The following TMEM233 variants were observed in gnomAD, a reference collection of about 807,000 sequenced individuals.
TMEM233 encodes the protein dispanin subfamily B member 2.
In TMEM233, 6 loss-of-function variants were observed where a neutral mutation model predicts 11.2. The ratio of observed to expected loss-of-function variants is 0.54; its 90% CI spans 0.29 to 1.06. The LOEUF (loss-of-function observed/expected upper bound fraction) is 1.06, where lower values mean the gene tolerates loss of function less well. Among genes scored for constraint, TMEM233 ranks in the 50% least tolerant of loss-of-function variants. TMEM233 has a pLI of 0.08. For missense variants in TMEM233, 127 were observed against 144.7 expected (o/e 0.88, Z 0.63); for synonymous variants, 59 against 55.8 (o/e 1.06, Z -0.26).
chr12:119,612,713 T>C (rs574436534), intron 1 of TMEM233, among the ~76,000 whole-genome samples: 1 of 139,134 alleles, frequency 7.2e-6, no homozygotes, highest in South Asian at 2.3e-4. Context: ...ATCACGCCAC[T>C]GCACTCCAGC....
At chr12:119,634,410 C>A in intron 2 of TMEM233, 1 of 266,724 alleles carries the variant, frequency 3.7e-6, no homozygotes. Context: ...GAGTTTAGGA[C>A]CAGCCTGGGC....
chr12:119,633,012 T>C (rs1954916206), intron 2 of TMEM233, among the ~76,000 whole-genome samples: 1 of 152,114 alleles, frequency 6.6e-6, no homozygotes, highest in African/African-American at 2.4e-5. Flanking sequence ...GAAGTGTTGA[T>C]GTCTCTGCTT....
intron 1 of TMEM233, among the ~76,000 whole-genome samples, chr12:119,618,349 C>G (rs1786344015): frequency 6.6e-6 from 1 of 152,242 alleles, no homozygotes; most frequent in South Asian, 2.1e-4. Context: ...AGCCTCCACA[C>G]AAGGTCCCCA....
chr12:119,614,411 CGA>C (rs57846015), intron 1 of TMEM233, among the ~76,000 whole-genome samples: 170 of 142,916 alleles, frequency 1.2e-3, no homozygotes, highest in Admixed American at 1.3e-3. Flanking sequence ...TCCATCTCAA[CGA>C]GAGAGAGAGA....
At chr12:119,650,420 A>T in the TMEM233 span, among the ~76,000 whole-genome samples, 5 of 152,242 alleles carry the variant, frequency 3.3e-5, no homozygotes, top group African/African-American at 1.2e-4. Flanking sequence ...TAACTCCCAT[A>T]AATGATAAAC....
In TMEM233 at chr12:119,594,089, G is replaced by GC; in HGVS notation, c.186+59dup. On this transcript the variant is annotated intron_variant, in intron 1 of 2. Coordinates refer to ENST00000426426, the MANE Select transcript of TMEM233 (RefSeq NM_001136534.3). This position sits in a 1 kb window ranked among gnomAD's most constrained non-coding sequence, Gnocchi z 5.6. The stretch of plus-strand genomic sequence containing the variant: ...GGAGGAGAGACCCGGGCGGCTTTGA[G>GC]CCCCTGCAGGGGAGTCCGCGCGCTC... 1 of 1,531,138 alleles carries GC rather than the reference G, an allele frequency of 6.5e-7. No individual in the cohort carries two copies. The highest frequency in any genetic ancestry group is 1.2e-5 in the South Asian group (1 of 81,292). The allele number at this position is 1,531,138 out of a possible 1,614,324, so 94.8% of individuals were successfully genotyped here.
rs141484601 is a variant in TMEM233 at position 119,608,377 on chromosome 12, C to T, written c.186+14343C>T. Among the ~76,000 whole-genome samples the T allele has an allele frequency of 5.0e-3, 759 of 152,306 alleles. 7 individuals carry two copies. Among genetic ancestry groups the T allele is most frequent in the Non-Finnish European group, 9.2e-3 (627 of 68,026 alleles). On this transcript the variant is annotated intron_variant, in intron 1 of 2. Transcript: ENST00000426426. ...AAAAGGAGGAAATGGCAGACAGCAG[C>T]GACAATGTCTCCATCACTTCAAACA...
chr12:119,630,248 G>T (rs1340230109), intron 2 of TMEM233, among the ~76,000 whole-genome samples: 1 of 152,210 alleles, frequency 6.6e-6, no homozygotes, highest in Non-Finnish European at 1.5e-5. Flanking sequence ...TATAAAAAAA[G>T]AAGGTTTGGA....
At chr12:119,628,053 A>T (rs1157805581) in intron 1 of TMEM233, among the ~76,000 whole-genome samples, 1 of 152,178 alleles carries the variant, frequency 6.6e-6, no homozygotes, top group African/African-American at 2.4e-5. Context: ...TGCTCTCAAC[A>T]CGCTACCTAT....
rs558974217 is a variant in TMEM233 at position 119,594,856 on chromosome 12, C to T, written c.186+822C>T. 2.6e-5 allele frequency among the ~76,000 whole-genome samples: 4 copies of T among 152,254 alleles called. No individual in the cohort carries two copies. Among genetic ancestry groups the T allele is most frequent in the African/African-American group, 9.6e-5 (4 of 41,572 alleles). The stretch of plus-strand genomic sequence containing the variant: ...CTTTCTACCCAGCGCGTCGTAGTTC[C>T]TCCCCGTTTGCTGCGCACTGGCCCT... On this transcript the variant is annotated intron_variant, in intron 1 of 2. Coordinates refer to ENST00000426426, the MANE Select transcript of TMEM233 (RefSeq NM_001136534.3). This position sits in a 1 kb window ranked among gnomAD's most constrained non-coding sequence, Gnocchi z 5.6.
chr12:119,638,573 C>A (rs1955014036), intron 2 of TMEM233, among the ~76,000 whole-genome samples: 2 of 152,304 alleles, frequency 1.3e-5, no homozygotes, highest in South Asian at 4.2e-4. Context: ...GTAGGGCTCT[C>A]CAGGTAACTC....
intron 1 of TMEM233, among the ~76,000 whole-genome samples, chr12:119,615,054 CT>C (rs1419483798): frequency 6.6e-6 from 1 of 151,188 alleles, no homozygotes; most frequent in Non-Finnish European, 1.5e-5. Flanking sequence ...TAAAAAAGTT[CT>C]TTCCCCCCTC....
chr12:119,635,430 TG>T (rs1382489104), intron 2 of TMEM233, among the ~76,000 whole-genome samples: 1 of 152,242 alleles, frequency 6.6e-6, no homozygotes, highest in African/African-American at 2.4e-5. Flanking sequence ...CATTCTTGCC[TG>T]TGTGGACATG....
chr12:119,605,456 C>T (rs1194749070), intron 1 of TMEM233, among the ~76,000 whole-genome samples: 1 of 118,752 alleles, frequency 8.4e-6, no homozygotes, highest in Non-Finnish European at 1.6e-5. Context: ...GAGACAGGGC[C>T]TCACTCTGTT....
chr12:119,613,405 T>C (rs139911685), intron 1 of TMEM233, among the ~76,000 whole-genome samples: 1 of 152,180 alleles, frequency 6.6e-6, no homozygotes, highest in East Asian at 1.9e-4. Flanking sequence ...GAACAAACAC[T>C]CAAAAGTCAA....
At position 119,640,825 on chromosome 12, in the gene TMEM233, C is replaced by T. The variant is rs1022772839; in HGVS notation, c.*120C>T. 1.2e-5 allele frequency: 12 copies of T among 1,034,458 alleles called. No homozygotes were observed. The highest frequency in any genetic ancestry group is 8.4e-5 in the Admixed American group (3 of 35,518). 64.1% of individuals were successfully genotyped at this position (1,034,458 alleles called of 1,614,324 possible). A position where few individuals can be genotyped will look rare whatever the true frequency, so the allele number is the denominator to read the frequency against. ...CTGTGAGATCTTTTCCTCCAGGACT[C>T]TCCAGAGGCAGGTCCCTGGCAAATG... On this transcript the variant is annotated 3_prime_UTR_variant, in exon 3 of 3. Transcript: ENST00000426426.
chr12:119,615,173 T>TAAAAAAAAAAAAAAAAAAAAAAAAAAA lies in TMEM233; in HGVS notation c.187-14556_187-14530dup, dbSNP rs60318959. Among the ~76,000 whole-genome samples, 6 of 56,198 alleles carry TAAAAAAAAAAAAAAAAAAAAAAAAAAA rather than the reference T, an allele frequency of 1.1e-4. 1 individual carries two copies. The highest frequency in any genetic ancestry group is 7.4e-4 in the East Asian group (1 of 1,348). The allele number at this position is 56,198 out of a possible 152,430, so 36.9% of individuals were successfully genotyped here. A position where few individuals can be genotyped will look rare whatever the true frequency, so the allele number is the denominator to read the frequency against. The stretch of plus-strand genomic sequence containing the variant: ...AGGTCTCAGTCTACCCGCTTTCTGC[T>TAAAAAAAAAAAAAAAAAAAAAAAAAAA]AAAAAAAAAAAAAAAAAAAAAAAAA... On this transcript the variant is annotated intron_variant, in intron 1 of 2. Coordinates refer to ENST00000426426, the MANE Select transcript of TMEM233 (RefSeq NM_001136534.3).
chr12:119,621,314 C>G (rs1011958749), intron 1 of TMEM233, among the ~76,000 whole-genome samples: 1 of 152,196 alleles, frequency 6.6e-6, no homozygotes, highest in African/African-American at 2.4e-5. Flanking sequence ...GTTGGGATTA[C>G]AGGCATGAAT....
rs1955099879 is a variant in TMEM233, at chr12:119,642,615, A to G, written c.*1910A>G. ...TGCAAGCTGATTTTAGGCAAGTTTC[A>G]TAGCCTCTCTGTGCCTAAAATTCCT... On this transcript the variant is annotated 3_prime_UTR_variant, in exon 3 of 3. Transcript: ENST00000426426. 6.6e-6 allele frequency: 1 copy of G among 152,162 alleles called. No homozygotes were observed. The highest frequency in any genetic ancestry group is 1.5e-5 in the Non-Finnish European group (1 of 68,030). 9.4% of individuals were successfully genotyped at this position (152,162 alleles called of 1,614,324 possible).
Sources: allele counts gnomAD v4.1 joint callset (sites outside exome capture counted in the v4.1 genomes callset), GRCh38; gene constraint gnomAD v4.1.1; non-coding constraint Gnocchi (gnomAD v3.1); transcripts MANE v1.5; gene names NCBI Gene and HGNC (gene_info 2026-07-23, HGNC 2026-07-21).